Variants in TYW1 observed in about 807,000 individuals in gnomAD.
The protein encoded by TYW1 is S-adenosyl-L-methionine-dependent tRNA 4-demethylwyosine synthase TYW1.
In TYW1, 46 loss-of-function variants were observed where a neutral mutation model predicts 96.2. The ratio of observed to expected loss-of-function variants is 0.48; its 90% CI spans 0.38 to 0.61. The LOEUF is 0.61. Ranked by LOEUF, TYW1 falls within the 20% of genes least tolerant of loss-of-function variation. TYW1 has a pLI of 0.00. For missense variants in TYW1, 684 were observed against 909.6 expected (o/e 0.75, Z 3.19); for synonymous variants, 274 against 323.0 (o/e 0.85, Z 1.63).
intron 14 of TYW1, among the ~76,000 whole-genome samples, chr7:67,186,149 TTTTAA>T (rs1483068428): frequency 1.4e-5 from 2 of 144,678 alleles, no homozygotes; most frequent in African/African-American, 5.2e-5. Context: ...ATTAGTGGTG[TTTTAA>T]TTTATGATTT....
intron 15 of TYW1, among the ~76,000 whole-genome samples, chr7:67,198,782 A>G (rs757064893): frequency 6.6e-6 from 1 of 151,934 alleles, no homozygotes; most frequent in Non-Finnish European, 1.5e-5. Flanking sequence ...CAGATACTAT[A>G]TTTTCTTCTT....
At chr7:67,100,840 G>A (rs549154285) in intron 12 of TYW1, among the ~76,000 whole-genome samples, 5 of 133,044 alleles carry the variant, frequency 3.8e-5, no homozygotes, top group Non-Finnish European at 7.8e-5. Context: ...CTCCAGCCTG[G>A]GCTACAGAGC....
intron 10 of TYW1, among the ~76,000 whole-genome samples, chr7:67,070,093 G>A (rs748750511): frequency 6.6e-6 from 1 of 152,098 alleles, no homozygotes; most frequent in Non-Finnish European, 1.5e-5. Flanking sequence ...CTGAGAAATT[G>A]GCTGTTAATT....
chr7:67,224,244 C>T (rs1450435749), intron 15 of TYW1, among the ~76,000 whole-genome samples: 2 of 152,236 alleles, frequency 1.3e-5, no homozygotes, highest in Admixed American at 1.3e-4. Context: ...TGTCCTGCCT[C>T]AGCCTCCCAA....
chr7:67,049,785 G>A lies in TYW1; in HGVS notation c.985-164G>A, dbSNP rs138737829. On this transcript the variant is annotated intron_variant, in intron 7 of 15. Transcript: ENST00000359626. ...TGGTCTCGATCTCCTGACCTCAGGT[G>A]ATCCGCCTGCCCTGGCCTCCTAAAA... Among the ~76,000 whole-genome samples, 830 of 152,268 alleles carry A rather than the reference G, an allele frequency of 5.5e-3. 7 individuals are homozygous for A. Among genetic ancestry groups the A allele is most frequent in the Non-Finnish European group, 9.4e-3 (641 of 68,026 alleles).
intron 12 of TYW1, among the ~76,000 whole-genome samples, chr7:67,110,760 T>G (rs1797379276): frequency 6.6e-6 from 1 of 152,174 alleles, no homozygotes; most frequent in Admixed American, 6.5e-5. Flanking sequence ...TTGCTTGAAC[T>G]TCGGGAGGCT....
intron 7 of TYW1, among the ~76,000 whole-genome samples, chr7:67,046,998 C>G (rs1795207674): frequency 6.6e-6 from 1 of 152,150 alleles, no homozygotes; most frequent in Non-Finnish European, 1.5e-5. Context: ...GCATAGTGGT[C>G]AGAGGCCAGT....
Position 66,998,061 on chromosome 7 carries a change from T to G in TYW1, c.5-4T>G, listed in dbSNP as rs1326689925. The G allele has an allele frequency of 6.3e-7, 1 of 1,580,704 alleles. No homozygotes were observed. Among genetic ancestry groups the G allele is most frequent in the Non-Finnish European group, 8.6e-7 (1 of 1,169,340 alleles). On this transcript the variant is annotated splice_polypyrimidine_tract_variant and splice_region_variant and intron_variant, in intron 1 of 15. Coordinates refer to ENST00000359626, the MANE Select transcript of TYW1 (RefSeq NM_018264.4). ...TGAAATTGTGTGTGTCATTTTAAAT[T>G]TAGATCCTTCTGCGGATACATGGGA...
chr7:67,215,209 T>G (rs1477248227), intron 15 of TYW1, among the ~76,000 whole-genome samples: 3 of 150,680 alleles, frequency 2.0e-5, no homozygotes, highest in African/African-American at 7.4e-5. Flanking sequence ...CCTTCCTCCT[T>G]CCTCTCTGGG....
At position 67,172,013 on chromosome 7, in the gene TYW1, A is replaced by G. The variant is rs1584651190; in HGVS notation, c.1699-11113A>G. 1.3e-5 allele frequency among the ~76,000 whole-genome samples: 2 copies of G among 152,264 alleles called. 1 individual carries two copies. On this transcript the variant is annotated intron_variant, in intron 13 of 15. Transcript: ENST00000359626. ...TGTAATTGGGTTTGTTTTCTTAAACAGTTGGAAAATCTTTATCTTTTTGAG... is the reference window on the plus strand; with the variant it reads ...TGTAATTGGGTTTGTTTTCTTAAACGGTTGGAAAATCTTTATCTTTTTGAG...
intron 11 of TYW1, among the ~76,000 whole-genome samples, chr7:67,095,214 G>T (rs1796857607): frequency 6.6e-6 from 1 of 152,028 alleles, no homozygotes; most frequent in African/African-American, 2.4e-5. Context: ...GGCCGAGCTG[G>T]TCTTGAACTC....
At chr7:67,194,320 T>G (rs6964115) in intron 14 of TYW1, among the ~76,000 whole-genome samples, 40,693 of 147,060 alleles carry the variant, frequency 0.28, 6,311 homozygotes, top group African/African-American at 0.42. Context: ...ATTACAAAAT[T>G]AACTCCCTAA....
At chr7:67,008,303 C>T (rs1024238488) in intron 3 of TYW1, among the ~76,000 whole-genome samples, 1 of 152,138 alleles carries the variant, frequency 6.6e-6, no homozygotes, top group Non-Finnish European at 1.5e-5. Flanking sequence ...CTTGGAGGCT[C>T]CATTACATAG....
intron 13 of TYW1, among the ~76,000 whole-genome samples, chr7:67,163,690 A>G (rs1799234608): frequency 7.1e-6 from 1 of 140,862 alleles, no homozygotes; most frequent in Non-Finnish European, 1.5e-5. Context: ...TTTTTCTGAG[A>G]CAGAGTCTTG....
chr7:67,183,190 A>G lies in TYW1; in HGVS notation c.1763A>G (p.Tyr588Cys). 1 of 1,611,354 alleles carries G rather than the reference A, an allele frequency of 6.2e-7. No homozygotes were observed. Among genetic ancestry groups the G allele is most frequent in the Admixed American group, 1.7e-5 (1 of 59,840 alleles). ...TGGAACGTGGACGAGCTCCAGGCCT[A>G]CGCGCAGCTCGTGTCCCTGGGGAAT... ...KAWNVDELQA[Y>C]AQLVSLGNPD... The change falls in exon 14 of 16, where the codon TAC (tyrosine) becomes TGC (cysteine). Residue 588 changes from tyrosine (Y) to cysteine (C), a missense_variant. By Grantham distance (194) the Tyr-to-Cys change is radical. Coordinates refer to ENST00000359626, the MANE Select transcript of TYW1 (RefSeq NM_018264.4).
rs746380220 is a variant in TYW1, at chr7:67,024,876, A to G, written c.862-24A>G. ...TTGCCTTTGCCCCTTTGAACAATGT[A>G]TTTCTGAAGCATTTCTCTTCCAGGA... On this transcript the variant is annotated intron_variant, in intron 6 of 15. Coordinates refer to ENST00000359626, the MANE Select transcript of TYW1 (RefSeq NM_018264.4). 2.5e-5 allele frequency: 41 copies of G among 1,613,252 alleles called. No individual in the cohort carries two copies. In the East Asian group the frequency reaches 8.7e-4, roughly 34 times the overall value.
intron 12 of TYW1, among the ~76,000 whole-genome samples, chr7:67,099,803 G>C (rs1361260417): frequency 6.6e-6 from 1 of 152,198 alleles, no homozygotes; most frequent in Non-Finnish European, 1.5e-5. Context: ...GAGAGTTCAA[G>C]ACCAGTCTGA....
intron 5 of TYW1, among the ~76,000 whole-genome samples, chr7:67,015,595 T>C (rs1793988173): frequency 6.6e-6 from 1 of 151,846 alleles, no homozygotes; most frequent in Admixed American, 6.6e-5. Context: ...CAAGCAGTCC[T>C]ACCCACCTCA....
Position 67,055,856 on chromosome 7 carries a change from A to G in TYW1, c.1124A>G (p.His375Arg), listed in dbSNP as rs1489016009. 6.2e-7 allele frequency: 1 copy of G among 1,612,962 alleles called. No homozygotes were observed. Among genetic ancestry groups the G allele is most frequent in the Non-Finnish European group, 8.5e-7 (1 of 1,179,488 alleles). Residue 375 changes from histidine to arginine, a missense_variant, in exon 9 of 16, where the codon CAC becomes CGC. By Grantham distance (29) the His-to-Arg change is conservative. Coordinates refer to ENST00000359626, the MANE Select transcript of TYW1 (RefSeq NM_018264.4). ...TKQGYQLIGS[H>R]SGVKLCRWTK... ...TCAGGTTATCAGTTGATTGGGAGCC[A>G]CTCGGGGGTGAAGCTTTGCAGGTGG...
Sources: allele counts gnomAD v4.1 joint callset (sites outside exome capture counted in the v4.1 genomes callset), GRCh38; gene constraint gnomAD v4.1.1; transcripts MANE v1.5; gene names NCBI Gene and HGNC (gene_info 2026-07-23, HGNC 2026-07-21).